PRRT3: variants seen among roughly 807,000 people sequenced by gnomAD.
PRRT3 encodes the protein proline-rich transmembrane protein 3.
A neutral mutation model predicts 56.6 loss-of-function variants in PRRT3; 48 were observed. That is an observed-to-expected ratio of 0.85 (90% CI 0.67 to 1.08). The LOEUF is 1.08. Among genes scored for constraint, PRRT3 ranks in the 50% least tolerant of loss-of-function variants. The pLI is 0.00. For missense variants in PRRT3, 1,370 were observed against 1,353.1 expected (o/e 1.01, Z -0.20); for synonymous variants, 641 against 619.1 (o/e 1.04, Z -0.52).
rs1345063950 is a variant in PRRT3, at chr3:9,947,219, C to T, written c.1954G>A (p.Gly652Ser). The change falls in exon 4 of 4, where the codon GGC (glycine) becomes AGC (serine). Residue 652 changes from glycine to serine, a missense_variant. By Grantham distance (56) the Gly-to-Ser change is moderately conservative (BLOSUM62 0). Coordinates refer to ENST00000412055, the MANE Select transcript of PRRT3 (RefSeq NM_207351.5). The surrounding 1 kb of genome is among the most constrained non-coding windows in gnomAD (Gnocchi z 9.2). The part of the protein sequence containing the change: ...VAGALGLLAS[G>S]LQLAAALWLY... ...CAGAGCGCAGCCGCCAGCTGCAAGCCGCTAGCCAGCAGCCCCAGCGCGCCC... is the reference window on the plus strand; with the variant it reads ...CAGAGCGCAGCCGCCAGCTGCAAGCTGCTAGCCAGCAGCCCCAGCGCGCCC... The T allele has an allele frequency of 2.7e-6, 4 of 1,508,824 alleles. No homozygotes were observed. In the African/African-American group the frequency reaches 4.3e-5, roughly 16 times the overall value. The allele number at this position is 1,508,824 out of a possible 1,614,324, so 93.5% of individuals were successfully genotyped here.
At position 9,948,757 on chromosome 3, in the gene PRRT3, C is replaced by A. The variant is rs761222081; in HGVS notation, c.1171+1G>T. ...TCCCCACACCCCAGCCATGCTCTCA[C>A]CTGGCTGCAGGGCCCCCATGGGGCT... On this transcript the variant is annotated splice_donor_variant, in intron 3 of 3. Transcript: ENST00000412055. LOFTEE classifies it high-confidence loss of function. 9.9e-6 allele frequency: 16 copies of A among 1,613,990 alleles called. No individual in the cohort carries two copies. Among genetic ancestry groups the A allele is most frequent in the Non-Finnish European group, 1.2e-5 (14 of 1,179,996 alleles).
intron 3 of PRRT3, chr3:9,948,416 A>G: frequency 2.4e-6 from 1 of 418,548 alleles, no homozygotes; most frequent in East Asian, 3.8e-5. Flanking sequence ...TGCAGCCTTG[A>G]CCTCCAGGAC....
chr3:9,949,172 G>GC lies in PRRT3; in HGVS notation c.943dup (p.Ala315GlyfsTer2). 1 of 1,612,436 alleles carries GC rather than the reference G, an allele frequency of 6.2e-7. No homozygotes were observed. The highest frequency in any genetic ancestry group is 8.5e-7 in the Non-Finnish European group (1 of 1,179,496). The stretch of plus-strand genomic sequence containing the variant: ...GGGCTGGGGTCCTGGTGAATCCTTA[G>GC]CGTCAGGAAGGTCAGCCTGCTTGGG... On this transcript the variant is annotated frameshift_variant, in exon 2 of 4. Transcript: ENST00000412055. LOFTEE classifies it high-confidence loss of function. This position sits in a 1 kb window ranked among gnomAD's most constrained non-coding sequence, Gnocchi z 4.5.
rs1305036453 is a variant in PRRT3 at position 9,946,843 on chromosome 3, G to C, written c.2330C>G (p.Ser777Trp). The C allele has an allele frequency of 6.5e-7, 1 of 1,539,330 alleles. No homozygotes were observed. Among genetic ancestry groups the C allele is most frequent in the Admixed American group, 2.0e-5 (1 of 51,170 alleles). Reference protein sequence around the residue: ...PSSGAWGSAASLGRGPQGGPG... With the variant: ...PSSGAWGSAAWLGRGPQGGPG... ...GCCACCCTGGGGTCCGCGACCCAAC[G>C]ACGCAGCCGAGCCCCAGGCGCCTGA... The change falls in exon 4 of 4, where the codon TCG becomes TGG. Residue 777 changes from serine to tryptophan, a missense_variant. Ser to Trp is a radical substitution (Grantham distance 177, BLOSUM62 -3). Coordinates refer to ENST00000412055, the MANE Select transcript of PRRT3 (RefSeq NM_207351.5). The surrounding 1 kb of genome is among the most constrained non-coding windows in gnomAD (Gnocchi z 4.1).
Position 9,946,096 on chromosome 3 carries a change from A to G in PRRT3, c.*131T>C. 7.2e-7 allele frequency: 1 copy of G among 1,386,802 alleles called. No homozygotes were observed. Among genetic ancestry groups the G allele is most frequent in the Non-Finnish European group, 9.5e-7 (1 of 1,053,040 alleles). 85.9% of individuals were successfully genotyped at this position (1,386,802 alleles called of 1,614,324 possible). On this transcript the variant is annotated 3_prime_UTR_variant, in exon 4 of 4. Coordinates refer to ENST00000412055, the MANE Select transcript of PRRT3 (RefSeq NM_207351.5). This position sits in a 1 kb window ranked among gnomAD's most constrained non-coding sequence, Gnocchi z 4.1. Reference sequence around the variant, plus strand: ...CGTGTTCCACCCACCTCGGCCTCCCAAAGTGCTGGGATTCCTGGCGTGAGC... The same window carrying G: ...CGTGTTCCACCCACCTCGGCCTCCCGAAGTGCTGGGATTCCTGGCGTGAGC...
Position 9,949,198 on chromosome 3 carries a change from C to A in PRRT3, c.918G>T (p.Pro306=). ...CGTCAGGAAGGTCAGCCTGCTTGGGCGGGGGACCTGGGGAGCTGACTTCCC... is the reference window on the plus strand; with the variant it reads ...CGTCAGGAAGGTCAGCCTGCTTGGGAGGGGGACCTGGGGAGCTGACTTCCC... ...VSWEVSSPGP[P]PKQADLPDAK... The change falls in exon 2 of 4, where the codon CCG becomes CCT. Residue 306 remains proline (P), a synonymous_variant. Transcript: ENST00000412055. The surrounding 1 kb of genome is among the most constrained non-coding windows in gnomAD (Gnocchi z 4.5). The A allele has an allele frequency of 6.2e-7, 1 of 1,610,186 alleles. No individual in the cohort carries two copies. The highest frequency in any genetic ancestry group is 8.5e-7 in the Non-Finnish European group (1 of 1,178,410).
In PRRT3 at chr3:9,947,830, C is replaced by T; in HGVS notation, c.1343G>A (p.Ser448Asn). ...GGGTGCAGTGGCGTTGGCTGGGGGGCTGGAGGCTGGGGCTGAAGCCATGGA... is the reference window on the plus strand; with the variant it reads ...GGGTGCAGTGGCGTTGGCTGGGGGGTTGGAGGCTGGGGCTGAAGCCATGGA... ...ASSMASAPAS[S>N]PPANATAPPL... The change falls in exon 4 of 4, where the codon AGC becomes AAC. Residue 448 changes from serine (S) to asparagine (N), a missense_variant. Physicochemically the swap from Ser to Asn is conservative, Grantham distance 46 (BLOSUM62 1). Transcript: ENST00000412055. This position sits in a 1 kb window ranked among gnomAD's most constrained non-coding sequence, Gnocchi z 9.2. 6.9e-7 allele frequency: 1 copy of T among 1,438,944 alleles called. No individual in the cohort carries two copies. Among genetic ancestry groups the T allele is most frequent in the Non-Finnish European group, 9.1e-7 (1 of 1,095,746 alleles). 89.1% of individuals were successfully genotyped at this position (1,438,944 alleles called of 1,614,324 possible).
rs2085510333 is a variant in PRRT3 at position 9,945,987 on chromosome 3, C to T, written c.*240G>A. 3.7e-5 allele frequency: 19 copies of T among 511,616 alleles called. No individual in the cohort carries two copies. The South Asian group carries it at 4.5e-4, about 12-fold the overall frequency. 31.7% of individuals were successfully genotyped at this position (511,616 alleles called of 1,614,324 possible). On this transcript the variant is annotated 3_prime_UTR_variant, in exon 4 of 4. Transcript: ENST00000412055. ...TAGCTGGGACTACAGGCGTGTGCCA[C>T]CTGGCTAATTTTTTTGTATTTTTAG...
chr3:9,947,971 TG>T lies in PRRT3; in HGVS notation c.1201del (p.Gln401LysfsTer67), dbSNP rs2124879829. The T allele has an allele frequency of 7.4e-7, 1 of 1,356,864 alleles. No individual in the cohort carries two copies. The highest frequency in any genetic ancestry group is 9.5e-7 in the Non-Finnish European group (1 of 1,056,502). The allele number at this position is 1,356,864 out of a possible 1,614,324, so 84.1% of individuals were successfully genotyped here. ...DEAEEWPGRPQSHPPAPPVQA... is the reference protein window; with the variant it reads ...DEAEEWPGRPXSHPPAPPVQA... The stretch of plus-strand genomic sequence containing the variant: ...GACTGGGGGTGCTGGGGGATGGCTT[TG>T]GGGGCGCCCCGGCCACTCCTCGGCT... On this transcript the variant is annotated frameshift_variant, in exon 4 of 4. Transcript: ENST00000412055. LOFTEE classifies it high-confidence loss of function. This position sits in a 1 kb window ranked among gnomAD's most constrained non-coding sequence, Gnocchi z 9.2.
rs753126285 is a variant in PRRT3 at position 9,947,838 on chromosome 3, TG to T, written c.1334del (p.Pro445GlnfsTer23). On this transcript the variant is annotated frameshift_variant, in exon 4 of 4. Coordinates refer to ENST00000412055, the MANE Select transcript of PRRT3 (RefSeq NM_207351.5). LOFTEE classifies it high-confidence loss of function. This position sits in a 1 kb window ranked among gnomAD's most constrained non-coding sequence, Gnocchi z 9.2. Reference sequence around the variant, plus strand: ...TGGCGTTGGCTGGGGGGCTGGAGGCTGGGGCTGAAGCCATGGAGCTGGCGGT... The same window carrying T: ...TGGCGTTGGCTGGGGGGCTGGAGGCTGGGCTGAAGCCATGGAGCTGGCGGT... ...EPTASSMASA[P>X]ASSPPANATA... 1.4e-6 allele frequency: 2 copies of T among 1,435,862 alleles called. No individual in the cohort carries two copies. Among genetic ancestry groups the T allele is most frequent in the Non-Finnish European group, 1.8e-6 (2 of 1,094,012 alleles). 88.9% of individuals were successfully genotyped at this position (1,435,862 alleles called of 1,614,324 possible). A position where few individuals can be genotyped will look rare whatever the true frequency, so the allele number is the denominator to read the frequency against.
At chr3:9,951,199 C>G (rs1325562428) in intron 1 of PRRT3, among the ~76,000 whole-genome samples, 1 of 152,178 alleles carries the variant, frequency 6.6e-6, no homozygotes, top group Non-Finnish European at 1.5e-5. Context: ...CTAAAAGTTC[C>G]TGTTCTCGAG....
At chr3:9,952,004 C>T (rs2085626616) in intron 1 of PRRT3, among the ~76,000 whole-genome samples, 1 of 152,238 alleles carries the variant, frequency 6.6e-6, no homozygotes, top group South Asian at 2.1e-4. Context: ...GGGGCTTGCC[C>T]AGCCCTGGGC....
At position 9,949,517 on chromosome 3, in the gene PRRT3, G is replaced by C; in HGVS notation, c.599C>G (p.Ser200Cys). 2.5e-6 allele frequency: 4 copies of C among 1,614,090 alleles called. No individual in the cohort carries two copies. The highest frequency in any genetic ancestry group is 2.5e-6 in the Non-Finnish European group (3 of 1,180,032). The change falls in exon 2 of 4, where the codon TCT (serine) becomes TGT (cysteine). Residue 200 changes from serine (S) to cysteine (C), a missense_variant. Coordinates refer to ENST00000412055, the MANE Select transcript of PRRT3 (RefSeq NM_207351.5). This position sits in a 1 kb window ranked among gnomAD's most constrained non-coding sequence, Gnocchi z 4.5. ...GGGTGGGCCCTGGTGGTCTGAGGGA[G>C]AAGTGGGTGGGACCCTGCTCTTAGT... Reference protein sequence around the residue: ...AKTKSRVPPTSPSDHQGPPHT... With the variant: ...AKTKSRVPPTCPSDHQGPPHT...
Position 9,950,066 on chromosome 3 carries a change from A to T in PRRT3, c.50T>A (p.Leu17Gln). 6.6e-7 allele frequency: 1 copy of T among 1,509,754 alleles called. No individual in the cohort carries two copies. Among genetic ancestry groups the T allele is most frequent in the African/African-American group, 1.4e-5 (1 of 71,666 alleles). The allele number at this position is 1,509,754 out of a possible 1,614,324, so 93.5% of individuals were successfully genotyped here. ...GCVCGLLLLL[L>Q]PLLGTGPALG... Reference sequence around the variant, plus strand: ...GGCAGGGCCAGTCCCCAGGAGTGGCAGCAGCAACAGCAGAAGGCCACATAC... The same window carrying T: ...GGCAGGGCCAGTCCCCAGGAGTGGCTGCAGCAACAGCAGAAGGCCACATAC... The change falls in exon 2 of 4, where the codon CTG (leucine) becomes CAG (glutamine). Residue 17 changes from leucine to glutamine, a missense_variant. Leu to Gln is a moderately radical substitution (Grantham distance 113, BLOSUM62 -2). Coordinates refer to ENST00000412055, the MANE Select transcript of PRRT3 (RefSeq NM_207351.5).
Position 9,947,993 on chromosome 3 carries a change from C to T in PRRT3, c.1180G>A (p.Glu394Lys), listed in dbSNP as rs909458664. 6.7e-6 allele frequency: 9 copies of T among 1,343,202 alleles called. No homozygotes were observed. Among genetic ancestry groups the T allele is most frequent in the African/African-American group, 6.0e-5 (4 of 66,202 alleles). The allele number at this position is 1,343,202 out of a possible 1,614,324, so 83.2% of individuals were successfully genotyped here. Residue 394 changes from glutamate (E) to lysine (K), a missense_variant, in exon 4 of 4, where the codon GAG (glutamate) becomes AAG (lysine). Coordinates refer to ENST00000412055, the MANE Select transcript of PRRT3 (RefSeq NM_207351.5). The surrounding 1 kb of genome is among the most constrained non-coding windows in gnomAD (Gnocchi z 9.2). ...PMGALQPDEA[E>K]EWPGRPQSHP... The stretch of plus-strand genomic sequence containing the variant: ...CTTTGGGGGCGCCCCGGCCACTCCT[C>T]GGCTTCATCTGCAATTATAACAATA...
Position 9,946,623 on chromosome 3 carries a change from C to T in PRRT3, c.2550G>A (p.Pro850=). 1 of 1,393,650 alleles carries T rather than the reference C, an allele frequency of 7.2e-7. No individual in the cohort carries two copies. The highest frequency in any genetic ancestry group is 9.2e-7 in the Non-Finnish European group (1 of 1,082,620). The allele number at this position is 1,393,650 out of a possible 1,614,324, so 86.3% of individuals were successfully genotyped here. ...ASPPPGGALR[P]RRGSHPKAEL... is the part of the protein sequence containing the mutation. ...CGGCTTTGGGATGGCTGCCCCGGCG[C>T]GGCCGCAGAGCGCCTCCAGGCGGCG... The change falls in exon 4 of 4, where the codon CCG becomes CCA. Residue 850 remains proline, a synonymous_variant. Coordinates refer to ENST00000412055, the MANE Select transcript of PRRT3 (RefSeq NM_207351.5). The surrounding 1 kb of genome is among the most constrained non-coding windows in gnomAD (Gnocchi z 4.1).
chr3:9,948,749 T>G lies in PRRT3; in HGVS notation c.1171+9A>C. Reference sequence around the variant, plus strand: ...ACTCCCTCTCCCCACACCCCAGCCATGCTCTCACCTGGCTGCAGGGCCCCC... The same window carrying G: ...ACTCCCTCTCCCCACACCCCAGCCAGGCTCTCACCTGGCTGCAGGGCCCCC... On this transcript the variant is annotated intron_variant, in intron 3 of 3. Coordinates refer to ENST00000412055, the MANE Select transcript of PRRT3 (RefSeq NM_207351.5). The G allele has an allele frequency of 6.2e-7, 1 of 1,613,722 alleles. No individual in the cohort carries two copies. Among genetic ancestry groups the G allele is most frequent in the East Asian group, 2.2e-5 (1 of 44,854 alleles).
Position 9,945,783 on chromosome 3 carries a change from C to G in PRRT3, c.*444G>C, listed in dbSNP as rs936561544. ...GGGGTGAGTTCAAACCTGGCTGTCC[C>G]CCGGGGGTTGCCGTCAGGTAGAGAG... On this transcript the variant is annotated 3_prime_UTR_variant, in exon 4 of 4. Coordinates refer to ENST00000412055, the MANE Select transcript of PRRT3 (RefSeq NM_207351.5). 1 of 154,080 alleles carries G rather than the reference C, an allele frequency of 6.5e-6. No homozygotes were observed. Among genetic ancestry groups the G allele is most frequent in the Admixed American group, 6.5e-5 (1 of 15,420 alleles). The allele number at this position is 154,080 out of a possible 1,614,324, so 9.5% of individuals were successfully genotyped here.
intron 1 of PRRT3, among the ~76,000 whole-genome samples, chr3:9,950,742 A>G (rs1303466765): frequency 1.3e-5 from 2 of 152,200 alleles, no homozygotes; most frequent in African/African-American, 2.4e-5. Flanking sequence ...ACCTCAGGTA[A>G]TCTGCCCATC....
Sources: allele counts gnomAD v4.1 joint callset (sites outside exome capture counted in the v4.1 genomes callset), GRCh38; gene constraint gnomAD v4.1.1; non-coding constraint Gnocchi (gnomAD v3.1); transcripts MANE v1.5; gene names NCBI Gene and HGNC (gene_info 2026-07-23, HGNC 2026-07-21).